CDH4: variants seen among roughly 807,000 people sequenced by gnomAD.
CDH4 encodes cadherin-4.
A neutral mutation model predicts 86.0 loss-of-function variants in CDH4; 33 were observed. The ratio of observed to expected loss-of-function variants is 0.38; its 90% CI spans 0.29 to 0.51. The LOEUF is 0.51. Ranked by LOEUF, CDH4 falls within the 20% of genes least tolerant of loss-of-function variation. The probability of loss-of-function intolerance (pLI) is 0.86; values close to 1 mark genes in which losing one functional copy is unlikely to be tolerated. For synonymous variants in CDH4, 555 were observed against 549.4 expected, an observed-to-expected ratio of 1.01 and a Z score of -0.14; for missense variants, 1,114 against 1,307.4, an observed-to-expected ratio of 0.85 and a Z score of 2.28.
At chr20:61,317,373 C>T (rs1035298174) in intron 2 of CDH4, among the ~76,000 whole-genome samples, 7 of 152,184 alleles carry the variant, frequency 4.6e-5, no homozygotes, top group South Asian at 2.1e-4. Context: ...TAAATTAAGG[C>T]GCCTTTGCCA....
chr20:61,494,670 T>C (rs569369865), intron 2 of CDH4, among the ~76,000 whole-genome samples: 4 of 152,368 alleles, frequency 2.6e-5, no homozygotes, highest in African/African-American at 7.2e-5. Flanking sequence ...TTTTATTACA[T>C]AGCAGTTAAG....
At chr20:61,312,126 G>A (rs2084449152) in intron 2 of CDH4, among the ~76,000 whole-genome samples, 1 of 10,842 alleles carries the variant, frequency 9.2e-5, no homozygotes, top group Non-Finnish European at 6.8e-4. Context: ...GTGCATGTGG[G>A]TGGTGTGTGT....
At chr20:61,629,999 G>A (rs1325310217) in intron 2 of CDH4, among the ~76,000 whole-genome samples, 2 of 152,170 alleles carry the variant, frequency 1.3e-5, no homozygotes, top group African/African-American at 4.8e-5. Flanking sequence ...TTCCACCTCT[G>A]CCCGGGCTCC....
intron 4 of CDH4, among the ~76,000 whole-genome samples, chr20:61,800,308 G>A (rs1979763127): frequency 6.6e-6 from 1 of 152,200 alleles, no homozygotes; most frequent in African/African-American, 2.4e-5. Flanking sequence ...CCCCATGACC[G>A]GGCAGGGGCA....
intron 2 of CDH4, among the ~76,000 whole-genome samples, chr20:61,311,390 T>C (rs2084444805): frequency 6.6e-6 from 1 of 152,222 alleles, no homozygotes; most frequent in African/African-American, 2.4e-5. Flanking sequence ...GGGAAAATAA[T>C]TTCTACAAAT....
chr20:61,784,802 G>A (rs146312795), intron 4 of CDH4, among the ~76,000 whole-genome samples: 12 of 152,284 alleles, frequency 7.9e-5, no homozygotes, highest in Non-Finnish European at 1.6e-4. Context: ...CAGATGTCCT[G>A]TGCCCCCGGG....
At chr20:61,814,140 G>T (rs1344873882) in intron 4 of CDH4, among the ~76,000 whole-genome samples, 1 of 152,166 alleles carries the variant, frequency 6.6e-6, no homozygotes, top group Non-Finnish European at 1.5e-5. Flanking sequence ...TGCTGAGTAT[G>T]GTAACCTGTG....
intron 7 of CDH4, among the ~76,000 whole-genome samples, chr20:61,892,317 G>A (rs1984859719): frequency 1.3e-5 from 2 of 152,180 alleles, no homozygotes; most frequent in Non-Finnish European, 2.9e-5. Context: ...ACATTAACTT[G>A]CTGTCATGGG....
chr20:61,668,969 G>A (rs2087356720), intron 2 of CDH4, among the ~76,000 whole-genome samples: 1 of 152,200 alleles, frequency 6.6e-6, no homozygotes, highest in Admixed American at 6.5e-5. Context: ...GACAACCCTG[G>A]GAAGCCAGTG....
intron 2 of CDH4, among the ~76,000 whole-genome samples, chr20:61,521,494 G>A (rs146230262): frequency 2.0e-5 from 3 of 152,342 alleles, no homozygotes; most frequent in African/African-American, 4.8e-5. Context: ...AGTGAGAACC[G>A]TGGGACGGCA....
intron 2 of CDH4, among the ~76,000 whole-genome samples, chr20:61,661,273 C>G (rs1352609501): frequency 6.6e-6 from 1 of 152,178 alleles, no homozygotes; most frequent in Non-Finnish European, 1.5e-5. Context: ...CACCAGGCCA[C>G]CTCTGCAGGG....
chr20:61,671,633 A>G (rs1259020929), intron 2 of CDH4, among the ~76,000 whole-genome samples: 2 of 150,448 alleles, frequency 1.3e-5, no homozygotes, highest in Non-Finnish European at 3.0e-5. Flanking sequence ...GGGTGTGTAG[A>G]TGAGTGGATA....
chr20:61,845,606 G>A (rs1042372573), intron 5 of CDH4, among the ~76,000 whole-genome samples: 1 of 152,260 alleles, frequency 6.6e-6, no homozygotes, highest in Non-Finnish European at 1.5e-5. Context: ...ACCCCGACCT[G>A]CCCCTGGCCA....
At chr20:61,788,807 G>A (rs1052108524) in intron 4 of CDH4, among the ~76,000 whole-genome samples, 1 of 152,234 alleles carries the variant, frequency 6.6e-6, no homozygotes, top group African/African-American at 2.4e-5. Context: ...AAGGGCATGG[G>A]AGACGAGGCC....
chr20:61,715,748 C>A (rs985031753), intron 2 of CDH4, among the ~76,000 whole-genome samples: 5 of 152,194 alleles, frequency 3.3e-5, no homozygotes, highest in Non-Finnish European at 5.9e-5. Flanking sequence ...TGACTCAGGT[C>A]TCAGAGCAAG....
At chr20:61,528,918 T>C (rs1164197322) in intron 2 of CDH4, among the ~76,000 whole-genome samples, 1 of 151,790 alleles carries the variant, frequency 6.6e-6, no homozygotes, top group African/African-American at 2.4e-5. Flanking sequence ...TTACGGTCCA[T>C]AGATGACATT....
chr20:61,695,767 G>A (rs930365274), intron 2 of CDH4, among the ~76,000 whole-genome samples: 10 of 152,204 alleles, frequency 6.6e-5, no homozygotes, highest in Admixed American at 3.9e-4. Flanking sequence ...GGGGACGCTC[G>A]GTTCCCTCGG....
Position 61,911,566 on chromosome 20 carries a change from T to C in CDH4, c.1374+959T>C, listed in dbSNP as rs377220396. 2.2e-4 allele frequency among the ~76,000 whole-genome samples: 33 copies of C among 152,306 alleles called. 2 individuals carry two copies. The East Asian group carries it at 4.6e-3, about 21-fold the overall frequency. ...GAGAAAAGGAGGGGTGACAGAATGG[T>C]GAGCTTAAAGCTGGGTAGGATCTGC... On this transcript the variant is annotated intron_variant, in intron 9 of 15. Coordinates refer to ENST00000614565, the MANE Select transcript of CDH4 (RefSeq NM_001794.5).
chr20:61,331,716 A>ACCTACCCCAGAC (rs2084580721), intron 2 of CDH4, among the ~76,000 whole-genome samples: 29 of 11,990 alleles, frequency 2.4e-3, no homozygotes, highest in South Asian at 7.4e-3. Flanking sequence ...TCCTGCCCCG[A>ACCTACCCCAGAC]CCACCTGACA....
Sources: gnomAD v4.1 joint callset for allele counts (sites outside exome capture counted in the v4.1 genomes callset) on GRCh38, gnomAD v4.1.1 for gene constraint, MANE v1.5 for transcripts, NCBI Gene and HGNC (gene_info 2026-07-23, HGNC 2026-07-21) for gene names.